Variants in HERC3 observed in about 807,000 individuals in gnomAD.
HERC3 encodes probable E3 ubiquitin-protein ligase HERC3.
A neutral mutation model predicts 129.9 loss-of-function variants in HERC3; 58 were observed. The ratio of observed to expected loss-of-function variants is 0.45; its 90% CI spans 0.36 to 0.56. HERC3 has a LOEUF of 0.56. Among genes scored for constraint, HERC3 ranks in the 20% least tolerant of loss-of-function variants. The pLI is 0.00. For missense variants in HERC3, 835 were observed against 1,244.2 expected (o/e 0.67, Z 4.95); for synonymous variants, 430 against 451.0 (o/e 0.95, Z 0.59).
chr4:88,643,067 C>T (rs1409750757), intron 3 of HERC3, among the ~76,000 whole-genome samples: 1 of 152,062 alleles, frequency 6.6e-6, no homozygotes, highest in Admixed American at 6.6e-5. Context: ...AAGGTCAATA[C>T]ACAAAAATGT....
At chr4:88,554,642 G>T in the HERC3 span, among the ~76,000 whole-genome samples, 3 of 152,158 alleles carry the variant, frequency 2.0e-5, no homozygotes, top group Non-Finnish European at 4.4e-5. Flanking sequence ...AGCTAAAGAT[G>T]GGAAGAATTG....
the HERC3 span, among the ~76,000 whole-genome samples, chr4:88,553,137 G>C: frequency 0.042 from 6,320 of 152,204 alleles, 429 homozygotes; most frequent in African/African-American, 0.14. Context: ...ATGGACCATG[G>C]GTAATATAAT....
At chr4:88,663,359 A>C (rs966600202) in intron 11 of HERC3, among the ~76,000 whole-genome samples, 26 of 152,162 alleles carry the variant, frequency 1.7e-4, no homozygotes, top group African/African-American at 6.0e-4. Flanking sequence ...GGCTCTGCCA[A>C]GGAGCTCAGG....
chr4:88,586,185 CAG>C, the HERC3 span, among the ~76,000 whole-genome samples: 2 of 152,154 alleles, frequency 1.3e-5, no homozygotes, highest in African/African-American at 2.4e-5. Flanking sequence ...AAACATTCAA[CAG>C]GGGGAAGTTG....
At chr4:88,595,911 G>C (rs1438767592) in intron 2 of HERC3, among the ~76,000 whole-genome samples, 1 of 148,530 alleles carries the variant, frequency 6.7e-6, no homozygotes, top group Non-Finnish European at 1.5e-5. Flanking sequence ...TGCAGTGGCG[G>C]GATCTCGGCT....
the HERC3 span, among the ~76,000 whole-genome samples, chr4:88,546,027 A>G: frequency 2.0e-5 from 3 of 152,210 alleles, no homozygotes; most frequent in Non-Finnish European, 4.4e-5. Context: ...TAGGTATACT[A>G]CACTAAAAAC....
At position 88,639,537 on chromosome 4, in the gene HERC3, C is replaced by T. The variant is rs572181529; in HGVS notation, c.227-10303C>T. Among the ~76,000 whole-genome samples, 43 of 152,036 alleles carry T rather than the reference C, an allele frequency of 2.8e-4. No individual in the cohort carries two copies. In the East Asian group the frequency reaches 3.5e-3, roughly 12 times the overall value. ...TGTTGGGAAAACTGGCTAGCATCTA[C>T]GGTAAACCAAAACTGGACCCCTTCC... On this transcript the variant is annotated intron_variant, in intron 3 of 25. Coordinates refer to ENST00000402738, the MANE Select transcript of HERC3 (RefSeq NM_014606.3).
At chr4:88,577,385 A>G in the HERC3 span, among the ~76,000 whole-genome samples, 27 of 152,252 alleles carry the variant, frequency 1.8e-4, no homozygotes, top group African/African-American at 5.8e-4. Flanking sequence ...GAAGTTACTT[A>G]CATAGATCAG....
At chr4:88,601,773 GGGGCCGGGCGCGGTGGC>G (rs1722990884) in intron 2 of HERC3, among the ~76,000 whole-genome samples, 1 of 150,480 alleles carries the variant, frequency 6.6e-6, no homozygotes, top group Non-Finnish European at 1.5e-5. Flanking sequence ...AGGATATTCA[GGGGCCGGGCGCGGTGGC>G]TTACGCCTGT....
chr4:88,530,326 A>G, the HERC3 span, among the ~76,000 whole-genome samples: 305 of 152,240 alleles, frequency 2.0e-3, 1 homozygote, highest in African/African-American at 7.1e-3. Context: ...TATTTTCAAG[A>G]TGTTTATAAT....
intron 17 of HERC3, 26 bp from the exon 18 acceptor site, chr4:88,676,308 A>T: frequency 6.4e-7 from 1 of 1,573,346 alleles, no homozygotes; most frequent in Non-Finnish European, 8.7e-7. Context: ...ATAGTATAAT[A>T]CTGTCAATAA....
chr4:88,537,963 A>G, the HERC3 span, among the ~76,000 whole-genome samples: 2 of 152,238 alleles, frequency 1.3e-5, no homozygotes, highest in Admixed American at 6.5e-5. Flanking sequence ...AAACCTTCTG[A>G]CAGGAAGATA....
chr4:88,598,903 G>A (rs183601051), intron 2 of HERC3, among the ~76,000 whole-genome samples: 22 of 152,304 alleles, frequency 1.4e-4, no homozygotes, highest in African/African-American at 5.3e-4. Context: ...CTTTTGTTTT[G>A]TCATGGGGAA....
At chr4:88,676,864 C>T (rs912790955) in intron 18 of HERC3, among the ~76,000 whole-genome samples, 27 of 152,046 alleles carry the variant, frequency 1.8e-4, no homozygotes, top group African/African-American at 4.8e-4. Context: ...GAAACCATGC[C>T]GGGTGCAGTG....
chr4:88,685,140 TTGG>T (rs1365096581), intron 21 of HERC3, among the ~76,000 whole-genome samples: 2 of 152,198 alleles, frequency 1.3e-5, no homozygotes, highest in Admixed American at 6.5e-5. Flanking sequence ...TTTTACACTG[TTGG>T]TGGGAGTGTA....
At chr4:88,577,351 T>C in the HERC3 span, among the ~76,000 whole-genome samples, 1 of 152,122 alleles carries the variant, frequency 6.6e-6, no homozygotes, top group Non-Finnish European at 1.5e-5. Context: ...TGTGCATGTA[T>C]TTTCCTTGTG....
At chr4:88,654,349 C>CAT (rs869126362) in intron 7 of HERC3, among the ~76,000 whole-genome samples, 3,906 of 70,010 alleles carry the variant, frequency 0.056, 78 homozygotes, top group African/African-American at 0.058. Context: ...GTAGATTTTT[C>CAT]ATATATATAT....
the HERC3 span, among the ~76,000 whole-genome samples, chr4:88,537,203 T>C: frequency 2.0e-5 from 3 of 152,206 alleles, no homozygotes; most frequent in Non-Finnish European, 1.5e-5. Context: ...TAATGTATTT[T>C]TATAGCAAAA....
chr4:88,564,650 AGATTTGTTGAGTTTAT>A, the HERC3 span, among the ~76,000 whole-genome samples: 1 of 152,052 alleles, frequency 6.6e-6, no homozygotes, highest in Non-Finnish European at 1.5e-5. Flanking sequence ...GTCTGGCTAA[AGATTTGTTGAGTTTAT>A]CTTTTCAAAA....
Sources: gnomAD v4.1 joint callset for allele counts (sites outside exome capture counted in the v4.1 genomes callset) on GRCh38, gnomAD v4.1.1 for gene constraint, MANE v1.5 for transcripts, NCBI Gene and HGNC (gene_info 2026-07-23, HGNC 2026-07-21) for gene names.